MSH6: variants seen among roughly 807,000 people sequenced by gnomAD.
The protein encoded by MSH6 is DNA mismatch repair protein Msh6.
In MSH6, 85 loss-of-function variants were observed where a neutral mutation model predicts 119.1. The ratio of observed to expected loss-of-function variants is 0.71; its 90% CI spans 0.60 to 0.85. The LOEUF (loss-of-function observed/expected upper bound fraction) is 0.85. Ranked by LOEUF, MSH6 falls within the 40% of genes least tolerant of loss-of-function variation. MSH6 has a pLI of 0.00. For synonymous variants in MSH6, 830 were observed against 586.9 expected (o/e 1.41, Z -5.99); for missense variants, 2,163 against 1,655.3 (o/e 1.31, Z -5.32).
At chr2:47,808,049 A>ATCT, downstream of MSH6, 1 of 1,386,246 alleles carries the variant, frequency 7.2e-7, no homozygotes, top group South Asian at 1.3e-5. Flanking sequence ...AATATTTTAA[A>ATCT]TCTTCTTCCA....
intron 1 of MSH6, among the ~76,000 whole-genome samples, chr2:47,788,906 C>CTTTTT (rs1491155839): frequency 0.017 from 272 of 15,814 alleles, 33 homozygotes; most frequent in Middle Eastern, 0.12. Context: ...CTTTCTTCTT[C>CTTTTT]CTTTTTTTTT....
chr2:47,795,571 T>A (rs1314914536), intron 2 of MSH6, among the ~76,000 whole-genome samples: 1 of 151,530 alleles, frequency 6.6e-6, no homozygotes, highest in African/African-American at 2.4e-5. Context: ...GTTTAAGTGA[T>A]CTTCCCACCT....
In MSH6 at chr2:47,800,375, C is replaced by T. The variant is rs587779238; in HGVS notation, c.2392C>T (p.Leu798Phe). 10 of 1,613,982 alleles carry T rather than the reference C, an allele frequency of 6.2e-6. No individual in the cohort carries two copies. The highest frequency in any genetic ancestry group is 8.5e-6 in the Non-Finnish European group (10 of 1,180,002). ...TGATCGTCTAGATGCCATAGAAGACCTCATGGTTGTGCCTGACAAAATCTC... is the reference window on the plus strand; with the variant it reads ...TGATCGTCTAGATGCCATAGAAGACTTCATGGTTGTGCCTGACAAAATCTC... The part of the protein sequence containing the change: ...INDRLDAIED[L>F]MVVPDKISEV... Residue 798 changes from leucine (L) to phenylalanine (F), a missense_variant, in exon 4 of 10, where the codon CTC becomes TTC. Transcript: ENST00000234420.
intron 6 of MSH6, among the ~76,000 whole-genome samples, 163 bp from the exon 7 acceptor site, chr2:47,805,455 G>A (rs554404973): frequency 3.3e-5 from 5 of 152,304 alleles, no homozygotes; most frequent in African/African-American, 1.2e-4. Flanking sequence ...TGGGATTACA[G>A]GCGTGAGCCA....
At chr2:47,808,497 A>G (rs1357490202), downstream of MSH6, 3 of 1,122,682 alleles carry the variant, frequency 2.7e-6, no homozygotes, top group East Asian at 4.6e-5. Context: ...TTCTGTTTAT[A>G]TATTACTATG....
intron 3 of MSH6, 84 bp downstream of exon 3, chr2:47,796,147 G>A: frequency 2.9e-6 from 4 of 1,363,638 alleles, no homozygotes; most frequent in Non-Finnish European, 4.2e-6. Flanking sequence ...AAGATACCTT[G>A]TTTTATATAT....
At chr2:47,792,938 C>T (rs1668834671) in intron 2 of MSH6, among the ~76,000 whole-genome samples, 1 of 146,012 alleles carries the variant, frequency 6.8e-6, no homozygotes, top group African/African-American at 2.5e-5. Flanking sequence ...AGTGATCCTT[C>T]TGCATCAGGC....
In MSH6 at chr2:47,783,423, G is replaced by T; in HGVS notation, c.190G>T (p.Ala64Ser). 6.6e-7 allele frequency: 1 copy of T among 1,509,352 alleles called. No individual in the cohort carries two copies. The highest frequency in any genetic ancestry group is 1.4e-5 in the African/African-American group (1 of 69,794). 93.5% of individuals were successfully genotyped at this position (1,509,352 alleles called of 1,614,324 possible). Residue 64 changes from alanine (A) to serine (S), a missense_variant, in exon 1 of 10, where the codon GCG (alanine) becomes TCG (serine). By Grantham distance (99) the Ala-to-Ser change is moderately conservative. Coordinates refer to ENST00000234420, the MANE Select transcript of MSH6 (RefSeq NM_000179.3). ...TGGGCCCAGGCCCTTGGCGCGCTCC[G>T]CGTCACCGCCCAAGGCGAAGAACCT... ...GPGPRPLARS[A>S]SPPKAKNLNG...
downstream of MSH6, chr2:47,807,136 A>G (rs1321070635): frequency 4.4e-6 from 2 of 455,726 alleles, no homozygotes; most frequent in African/African-American, 3.9e-5. Context: ...AAGCTATGAA[A>G]CTGTATAGGG....
At chr2:47,808,070 T>C (rs372838997), downstream of MSH6, 23 of 1,518,276 alleles carry the variant, frequency 1.5e-5, no homozygotes, top group African/African-American at 2.4e-4. Context: ...AAAAAGTGTT[T>C]TAAGTTATGA....
downstream of MSH6, chr2:47,807,974 G>C (rs1385919520): frequency 1.2e-5 from 9 of 728,170 alleles, no homozygotes; most frequent in Admixed American, 5.1e-5. Context: ...GGTAGCTTGA[G>C]CTTCATAGTG....
At chr2:47,808,907 G>C (rs1558400054), downstream of MSH6, 1 of 350,714 alleles carries the variant, frequency 2.9e-6, no homozygotes, top group Non-Finnish European at 5.1e-6. Flanking sequence ...ATGTTGCCCA[G>C]GCTGGTTTAG....
Position 47,799,718 on chromosome 2 carries a change from T to C in MSH6, c.1735T>C (p.Cys579Arg), listed in dbSNP as rs1185721664. 2 of 1,614,196 alleles carry C rather than the reference T, an allele frequency of 1.2e-6. No individual in the cohort carries two copies. The highest frequency in any genetic ancestry group is 1.7e-6 in the Non-Finnish European group (2 of 1,180,026). Residue 579 changes from cysteine to arginine, a missense_variant, in exon 4 of 10, where the codon TGT becomes CGT. By Grantham distance (180) the Cys-to-Arg change is radical. Transcript: ENST00000234420. ...AGGTCAGTTTTCAGATGATCGCCAT[T>C]GTTCGAGATTTAGGACTCTAGTGGC... ...FIGQFSDDRH[C>R]SRFRTLVAHY...
At position 47,800,703 on chromosome 2, in the gene MSH6, T is replaced by C. The variant is rs201936512; in HGVS notation, c.2720T>C (p.Val907Ala). 4 of 1,614,170 alleles carry C rather than the reference T, an allele frequency of 2.5e-6. No homozygotes were observed. The highest frequency in any genetic ancestry group is 1.6e-4 in the Middle Eastern group (1 of 6,062). The change falls in exon 4 of 10, where the codon GTA (valine) becomes GCA (alanine). Residue 907 changes from valine to alanine, a missense_variant. Physicochemically the swap from Val to Ala is moderately conservative, Grantham distance 64. Coordinates refer to ENST00000234420, the MANE Select transcript of MSH6 (RefSeq NM_000179.3). ...NPEGRFPDLT[V>A]ELNRWDTAFD... is the part of the protein sequence containing the mutation. The stretch of plus-strand genomic sequence containing the variant: ...GAAGGTCGTTTTCCTGATTTGACTG[T>C]AGAATTGAACCGATGGGATACAGCC...
chr2:47,809,498 C>G, downstream of MSH6: 1 of 861,108 alleles, frequency 1.2e-6, no homozygotes, highest in South Asian at 1.7e-5. Context: ...TAAACTGTTG[C>G]TAACTTGGAG....
rs876658356 is a variant in MSH6 at position 47,801,052 on chromosome 2, A to G, written c.3069A>G (p.Glu1023=). ...KKLANLINAE[E]RRDVSLKDCM... ...TGGCTAATCTCATAAATGCTGAAGA[A>G]CGGAGGGATGTATCATTGAAGGACT... Residue 1023 remains glutamate, a synonymous_variant, in exon 4 of 10, where the codon GAA becomes GAG. Coordinates refer to ENST00000234420, the MANE Select transcript of MSH6 (RefSeq NM_000179.3). 2.5e-6 allele frequency: 4 copies of G among 1,602,768 alleles called. No individual in the cohort carries two copies. Among genetic ancestry groups the G allele is most frequent in the Non-Finnish European group, 3.4e-6 (4 of 1,174,384 alleles).
At chr2:47,792,934 C>G (rs1668834398) in intron 2 of MSH6, among the ~76,000 whole-genome samples, 1 of 148,882 alleles carries the variant, frequency 6.7e-6, no homozygotes, top group Non-Finnish European at 1.5e-5. Context: ...CTCCAGTGAT[C>G]CTTCTGCATC....
chr2:47,809,889 A>AAGGT, downstream of MSH6: 1 of 544,860 alleles, frequency 1.8e-6, no homozygotes, highest in South Asian at 2.6e-5. Flanking sequence ...ATCAATGACT[A>AAGGT]TGGTCAAAAC....
intron 6 of MSH6, 126 bp downstream of exon 6, chr2:47,805,153 C>T: frequency 1.4e-6 from 1 of 724,356 alleles, no homozygotes; most frequent in South Asian, 1.5e-5. Context: ...TTAAAAACAT[C>T]ACTTTTTAAG....
Sources: allele counts gnomAD v4.1 joint callset (sites outside exome capture counted in the v4.1 genomes callset), GRCh38; gene constraint gnomAD v4.1.1; transcripts MANE v1.5; gene names NCBI Gene and HGNC (gene_info 2026-07-23, HGNC 2026-07-21).